Variants in CAPN6 observed in about 807,000 individuals in gnomAD.
CAPN6 encodes the protein calpain 6, also known as calpain-6.
In CAPN6, 16 loss-of-function variants were observed where a neutral mutation model predicts 46.0. That is an observed-to-expected ratio of 0.35 (90% CI 0.24 to 0.53). CAPN6 has a LOEUF of 0.53. Ranked by LOEUF, CAPN6 falls within the 20% of genes least tolerant of loss-of-function variation. CAPN6 has a pLI of 0.94. For missense variants in CAPN6, 461 were observed against 498.0 expected, an observed-to-expected ratio of 0.93 and a Z score of 0.71; for synonymous variants, 206 against 172.8, an observed-to-expected ratio of 1.19 and a Z score of -1.51.
At chrX:111,254,503 G>A (rs1358830091) in intron 2 of CAPN6, 100 bp from the exon 3 acceptor site, 1 of 583,367 alleles carries the variant, frequency 1.7e-6, no homozygotes, top group Admixed American at 3.2e-5. Context: ...AGGAGATAAG[G>A]TTAGGGTTGA....
chrX:111,255,508 C>T (rs774025680), intron 2 of CAPN6, among the ~76,000 whole-genome samples: 4 of 113,000 alleles, frequency 3.5e-5, no homozygotes, highest in South Asian at 3.6e-4. Context: ...GAAAGCTTCA[C>T]GAGGAGGCCA....
intron 8 of CAPN6, among the ~76,000 whole-genome samples, chrX:111,249,611 G>A (rs1453276539): frequency 1.8e-5 from 2 of 110,279 alleles, no homozygotes; most frequent in African/African-American, 3.3e-5. Flanking sequence ...GGGGAATCAC[G>A]GTGCTATTAG....
intron 3 of CAPN6, 112 bp from the exon 4 acceptor site, chrX:111,253,328 C>T (rs1299874245): frequency 1.7e-6 from 1 of 582,584 alleles, no homozygotes; most frequent in African/African-American, 2.2e-5. Flanking sequence ...ATGCCACATA[C>T]ACCTGGTTTG....
intron 1 of CAPN6, among the ~76,000 whole-genome samples, chrX:111,267,096 C>T (rs1401793946): frequency 4.5e-5 from 5 of 111,756 alleles, no homozygotes; most frequent in Non-Finnish European, 7.5e-5. Flanking sequence ...CTATTGCACC[C>T]GATGGCGATG....
chrX:111,250,825 A>G, intron 8 of CAPN6, 92 bp downstream of exon 8: 1 of 820,918 alleles, frequency 1.2e-6, no homozygotes, highest in Non-Finnish European at 1.8e-6. Context: ...GGAAGATTTG[A>G]TGCTAAAGAA....
Position 111,252,386 on chromosome X carries a change from A to G in CAPN6, c.620T>C (p.Leu207Pro), listed in dbSNP as rs1239100491. The change falls in exon 5 of 13, where the codon CTT (leucine) becomes CCT (proline). Residue 207 changes from leucine to proline, a missense_variant. Transcript: ENST00000324068. ...GAATAGCTTGTACTTCTCCTCAACAAGCTCAGTGTATCTTCCTTTCTGCAT... is the reference window on the plus strand; with the variant it reads ...GAATAGCTTGTACTTCTCCTCAACAGGCTCAGTGTATCTTCCTTTCTGCAT... ...VDMQKGRYTELVEEKYKLFGE... is the reference protein window; with the variant it reads ...VDMQKGRYTEPVEEKYKLFGE... 1 of 1,209,810 alleles carries G rather than the reference A, an allele frequency of 8.3e-7. No homozygotes were observed. The highest frequency in any genetic ancestry group is 1.1e-6 in the Non-Finnish European group (1 of 893,897).
chrX:111,250,911 T>A lies in CAPN6; in HGVS notation c.1158+6A>T. 3 of 1,205,674 alleles carry A rather than the reference T, an allele frequency of 2.5e-6. No individual in the cohort carries two copies. The Admixed American group carries it at 6.6e-5, about 27-fold the overall frequency. On this transcript the variant is annotated splice_donor_region_variant and intron_variant, in intron 8 of 12. Transcript: ENST00000324068. The stretch of plus-strand genomic sequence containing the variant: ...CTTTGAGGCAAATAAAGTAATTGAC[T>A]CAAACCTGGGGATTCTGCAGGAAGG...
chrX:111,258,893 A>C (rs904001768), intron 2 of CAPN6, among the ~76,000 whole-genome samples: 7 of 112,616 alleles, frequency 6.2e-5, no homozygotes, highest in Non-Finnish European at 9.4e-5. Flanking sequence ...TACATGCTAC[A>C]ACATGGATGA....
chrX:111,270,389 CCTGCTGCTGCTGCTGCTG>C lies in CAPN6; in HGVS notation c.-52_-35del, dbSNP rs750982720. On this transcript the variant is annotated 5_prime_UTR_variant, in exon 1 of 13. Transcript: ENST00000324068. ...TACTCACCTGAGTTATCCCAGGAGCCCTGCTGCTGCTGCTGCTGCTGCTGCTGCTGCTGCTGCCGTTGC... is the reference window on the plus strand; with the variant it reads ...TACTCACCTGAGTTATCCCAGGAGCCCTGCTGCTGCTGCTGCTGCCGTTGC... 6 of 332,994 alleles carry C rather than the reference CCTGCTGCTGCTGCTGCTG, an allele frequency of 1.8e-5. No individual in the cohort carries two copies. Among genetic ancestry groups the C allele is most frequent in the Admixed American group, 3.2e-5 (1 of 31,525 alleles). 27.4% of individuals were successfully genotyped at this position (332,994 alleles called of 1,213,427 possible). A position where few individuals can be genotyped will look rare whatever the true frequency, so the allele number is the denominator to read the frequency against.
Position 111,263,832 on chromosome X carries a change from C to T in CAPN6, c.105G>A (p.Glu35=), listed in dbSNP as rs1244914818. 2.5e-6 allele frequency: 3 copies of T among 1,207,440 alleles called. No homozygotes were observed. The African/African-American group carries it at 5.3e-5, about 21-fold the overall frequency. The change falls in exon 2 of 13, where the codon GAG becomes GAA. Residue 35 remains glutamate, a synonymous_variant. Transcript: ENST00000324068. ...RLFCDPTFLP[E]NDSLFYNRLL... ...GTCGGTTGTAGAAAAGAGAATCATT[C>T]TCAGGCAGAAATGTTGGATCACAGA...
At chrX:111,248,399 C>T (rs2094976329) in intron 10 of CAPN6, among the ~76,000 whole-genome samples, 170 bp downstream of exon 10, 1 of 112,377 alleles carries the variant, frequency 8.9e-6, no homozygotes, top group Non-Finnish European at 1.9e-5. Context: ...TGGGGAATTT[C>T]CCCCAACCAC....
In CAPN6 at chrX:111,270,392, G is replaced by T. The variant is rs1307506624; in HGVS notation, c.-37C>A. On this transcript the variant is annotated 5_prime_UTR_variant, in exon 1 of 13. Transcript: ENST00000324068. ...TCACCTGAGTTATCCCAGGAGCCCT[G>T]CTGCTGCTGCTGCTGCTGCTGCTGC... The T allele has an allele frequency of 5.6e-6, 1 of 180,104 alleles. No individual in the cohort carries two copies. The highest frequency in any genetic ancestry group is 1.1e-5 in the Non-Finnish European group (1 of 88,427). The allele number at this position is 180,104 out of a possible 1,213,427, so 14.8% of individuals were successfully genotyped here. A position where few individuals can be genotyped will look rare whatever the true frequency, so the allele number is the denominator to read the frequency against.
chrX:111,263,720 G>T, intron 2 of CAPN6, 52 bp downstream of exon 2: 1 of 1,055,984 alleles, frequency 9.5e-7, no homozygotes, highest in Non-Finnish European at 1.3e-6. Context: ...GGATCACGTA[G>T]AAGTATGATG....
chrX:111,257,094 C>T (rs191023681), intron 2 of CAPN6, among the ~76,000 whole-genome samples: 1 of 111,119 alleles, frequency 9.0e-6, no homozygotes, highest in Non-Finnish European at 1.9e-5. Flanking sequence ...AGCAGGAGAC[C>T]TAGGCCTAAA....
chrX:111,248,218 T>G (rs2094976129), intron 10 of CAPN6, among the ~76,000 whole-genome samples: 1 of 111,911 alleles, frequency 8.9e-6, no homozygotes, highest in Admixed American at 9.5e-5. Context: ...AAAAGGTGGC[T>G]TTGGTGATCC....
chrX:111,256,348 G>A (rs901055570), intron 2 of CAPN6, among the ~76,000 whole-genome samples: 4 of 109,928 alleles, frequency 3.6e-5, no homozygotes, highest in Non-Finnish European at 7.6e-5. Flanking sequence ...GCAGTGAGCC[G>A]AGATCACACC....
chrX:111,252,184 C>T (rs1381504036), intron 5 of CAPN6, 123 bp downstream of exon 5: 1 of 533,972 alleles, frequency 1.9e-6, no homozygotes, highest in African/African-American at 2.4e-5. Context: ...TGTATTTTAG[C>T]TTTCCAAGTC....
chrX:111,260,607 C>T (rs2094987173), intron 2 of CAPN6, among the ~76,000 whole-genome samples: 2 of 112,035 alleles, frequency 1.8e-5, no homozygotes, highest in Non-Finnish European at 1.9e-5. Flanking sequence ...AGCTCTGTCT[C>T]TCAGCTTTCC....
intron 10 of CAPN6, 33 bp from the exon 11 acceptor site, chrX:111,248,025 A>T (rs770744191): frequency 8.5e-7 from 1 of 1,181,443 alleles, no homozygotes; most frequent in Non-Finnish European, 1.2e-6. Context: ...TTGTCATCAT[A>T]TGATAAATAT....
Sources: gnomAD v4.1 joint callset for allele counts (sites outside exome capture counted in the v4.1 genomes callset) on GRCh38, gnomAD v4.1.1 for gene constraint, MANE v1.5 for transcripts, NCBI Gene and HGNC (gene_info 2026-07-23, HGNC 2026-07-21) for gene names.